PCDH11X: variants seen among roughly 807,000 people sequenced by gnomAD.
PCDH11X encodes protocadherin 11 X-linked, also known as protocadherin-11 X-linked.
Under a neutral mutation model 53.3 loss-of-function variants are expected in PCDH11X, and 18 were observed. The ratio of observed to expected loss-of-function variants is 0.34; its 90% CI spans 0.23 to 0.50. The LOEUF (loss-of-function observed/expected upper bound fraction) is 0.50. Ranked by LOEUF, PCDH11X falls within the 20% of genes least tolerant of loss-of-function variation. PCDH11X has a pLI of 0.98. For missense variants in PCDH11X, 570 were observed against 1,032.4 expected (o/e 0.55, Z 6.14); for synonymous variants, 279 against 393.3 (o/e 0.71, Z 3.44).
Position 91,966,835 on chromosome X carries a change from C to G in PCDH11X, c.3033+87562C>G, listed in dbSNP as rs1442868392. 6.3e-5 allele frequency among the ~76,000 whole-genome samples: 7 copies of G among 110,320 alleles called. 1 individual carries two copies. The highest frequency in any genetic ancestry group is 1.3e-4 in the Non-Finnish European group (7 of 52,883). ...TTATTTTTAAATTCTACTTTAAGTT[C>G]CAGGATACATGTGCAGACCGTGCAG... On this transcript the variant is annotated intron_variant, in intron 6 of 10. Transcript: ENST00000682573.
chrX:91,889,312 A>G (rs1940370972), intron 6 of PCDH11X, among the ~76,000 whole-genome samples: 1 of 111,740 alleles, frequency 8.9e-6, no homozygotes, highest in Non-Finnish European at 1.9e-5. Context: ...TTAAATAATT[A>G]CTTTTTTGTT....
chrX:92,307,389 C>G (rs2068854584), intron 8 of PCDH11X, among the ~76,000 whole-genome samples: 1 of 108,102 alleles, frequency 9.3e-6, no homozygotes, highest in Admixed American at 1.0e-4. Context: ...AAAACACTTT[C>G]AAAATTCAAC....
At chrX:92,416,697 TA>T (rs1569483462) in intron 9 of PCDH11X, among the ~76,000 whole-genome samples, 1 of 111,143 alleles carries the variant, frequency 9.0e-6, no homozygotes. Context: ...TCTATGCTTT[TA>T]TCAAAGTATC....
At chrX:91,853,555 G>C (rs1938155225) in intron 5 of PCDH11X, among the ~76,000 whole-genome samples, 1 of 109,333 alleles carries the variant, frequency 9.1e-6, no homozygotes, top group Admixed American at 9.7e-5. Flanking sequence ...TTTCTAATTT[G>C]ATTTCATAGT....
At chrX:92,179,374 C>T (rs2065958320) in intron 6 of PCDH11X, among the ~76,000 whole-genome samples, 1 of 111,714 alleles carries the variant, frequency 9.0e-6, no homozygotes, top group Admixed American at 9.6e-5. Flanking sequence ...TTTGCTTTCC[C>T]TTTATGTTAT....
intron 10 of PCDH11X, among the ~76,000 whole-genome samples, chrX:92,604,755 T>C (rs1345640991): frequency 9.1e-6 from 1 of 109,352 alleles, no homozygotes; most frequent in Non-Finnish European, 1.9e-5. Flanking sequence ...CATTATACTA[T>C]GTAAGTAAGA....
intron 8 of PCDH11X, among the ~76,000 whole-genome samples, chrX:92,335,409 A>G (rs2069593759): frequency 9.2e-6 from 1 of 109,029 alleles, no homozygotes; most frequent in African/African-American, 3.3e-5. Context: ...GGAATCTGAA[A>G]GTAATGTGCT....
chrX:92,579,605 TTC>T (rs1479299723), intron 10 of PCDH11X, among the ~76,000 whole-genome samples: 1 of 111,402 alleles, frequency 9.0e-6, no homozygotes, highest in Admixed American at 9.6e-5. Flanking sequence ...TCATTTGTTT[TTC>T]TCTCTAAACT....
intron 10 of PCDH11X, 61 bp downstream of exon 10, chrX:92,468,383 C>T: frequency 1.8e-6 from 2 of 1,135,407 alleles, no homozygotes; most frequent in South Asian, 2.2e-5. Context: ...AAATGCAGTG[C>T]TGATTTGTGT....
At chrX:91,924,216 A>G (rs1048020016) in intron 6 of PCDH11X, among the ~76,000 whole-genome samples, 1 of 108,827 alleles carries the variant, frequency 9.2e-6, no homozygotes, top group Non-Finnish European at 1.9e-5. Context: ...AGTGAGTTCA[A>G]TTTAATCACA....
intron 8 of PCDH11X, among the ~76,000 whole-genome samples, chrX:92,385,397 A>G (rs1300615718): frequency 2.8e-5 from 3 of 105,414 alleles, no homozygotes; most frequent in African/African-American, 1.0e-4. Flanking sequence ...TTGACTAGGC[A>G]AAAGCATACA....
intron 6 of PCDH11X, among the ~76,000 whole-genome samples, chrX:91,904,188 T>C (rs1941064972): frequency 9.0e-6 from 1 of 111,192 alleles, no homozygotes; most frequent in Admixed American, 9.6e-5. Flanking sequence ...ATTATGTTAG[T>C]GCAAAGGTAA....
chrX:92,465,979 T>C (rs996732333), intron 9 of PCDH11X, among the ~76,000 whole-genome samples: 1 of 111,121 alleles, frequency 9.0e-6, no homozygotes, highest in African/African-American at 3.3e-5. Context: ...TGAATTTGTG[T>C]AAGTAAAAAT....
intron 8 of PCDH11X, among the ~76,000 whole-genome samples, chrX:92,293,100 T>C (rs1278832252): frequency 4.7e-5 from 5 of 106,416 alleles, no homozygotes; most frequent in Non-Finnish European, 9.6e-5. Context: ...GAAAATGTCT[T>C]CTACAGAAAA....
At chrX:92,407,060 A>AT (rs1196848907) in intron 9 of PCDH11X, among the ~76,000 whole-genome samples, 1 of 100,756 alleles carries the variant, frequency 9.9e-6, no homozygotes, top group Non-Finnish European at 2.0e-5. Flanking sequence ...CCCAATTATT[A>AT]TTTTTTGTAT....
intron 6 of PCDH11X, among the ~76,000 whole-genome samples, chrX:91,980,553 C>A (rs2062112993): frequency 9.0e-6 from 1 of 110,908 alleles, no homozygotes; most frequent in Non-Finnish European, 1.9e-5. Context: ...AATCCTCCTG[C>A]CTCAGCCTTC....
intron 9 of PCDH11X, among the ~76,000 whole-genome samples, chrX:92,428,853 A>G (rs1310108855): frequency 2.7e-5 from 3 of 110,889 alleles, no homozygotes; most frequent in Non-Finnish European, 5.7e-5. Context: ...TAGGGTGAAT[A>G]CGGAGCAGAT....
Position 91,799,604 on chromosome X carries a change from G to T in PCDH11X, c.-378-9862G>T, listed in dbSNP as rs764383247. On this transcript the variant is annotated intron_variant, in intron 1 of 10. Coordinates refer to ENST00000682573, the MANE Select transcript of PCDH11X (RefSeq NM_032968.5). ...ACTCTTTAACAACTTGTCTGACTGTGCAAGTGAGTGATAAAACTTGAATAA... is the reference window on the plus strand; with the variant it reads ...ACTCTTTAACAACTTGTCTGACTGTTCAAGTGAGTGATAAAACTTGAATAA... Among the ~76,000 whole-genome samples, 6 of 112,302 alleles carry T rather than the reference G, an allele frequency of 5.3e-5. No homozygotes were observed. In the East Asian group the frequency reaches 1.4e-3, roughly 26 times the overall value.
At chrX:92,552,654 A>G (rs1470959309) in intron 10 of PCDH11X, among the ~76,000 whole-genome samples, 5 of 110,515 alleles carry the variant, frequency 4.5e-5, no homozygotes, top group Non-Finnish European at 9.5e-5. Context: ...ATTCAGTATT[A>G]TACTTGCTGA....
Sources: allele counts gnomAD v4.1 joint callset (sites outside exome capture counted in the v4.1 genomes callset), GRCh38; gene constraint gnomAD v4.1.1; transcripts MANE v1.5; gene names NCBI Gene and HGNC (gene_info 2026-07-23, HGNC 2026-07-21).